PDE8B: variants seen among roughly 807,000 people sequenced by gnomAD.
PDE8B encodes phosphodiesterase 8B, also known as high affinity cAMP-specific and IBMX-insensitive 3',5'-cyclic phosphodiesterase 8B.
A neutral mutation model predicts 101.3 loss-of-function variants in PDE8B; 26 were observed. That is an observed-to-expected ratio of 0.26 (90% confidence interval 0.19 to 0.36). PDE8B has a LOEUF of 0.36. Ranked by LOEUF, PDE8B falls within the 10% of genes least tolerant of loss-of-function variation. The pLI is 1.00. For synonymous variants in PDE8B, 424 were observed against 429.3 expected (o/e 0.99, Z 0.15); for missense variants, 810 against 1,163.1 (o/e 0.70, Z 4.42).
In PDE8B at chr5:77,211,453, C is replaced by T. The variant is rs370564764; in HGVS notation, c.339+189C>T. Among the ~76,000 whole-genome samples, 16 of 152,140 alleles carry T rather than the reference C, an allele frequency of 1.1e-4. No individual in the cohort carries two copies. In the East Asian group the frequency reaches 3.1e-3, roughly 30 times the overall value. On this transcript the variant is annotated intron_variant, in intron 1 of 21. Coordinates refer to ENST00000264917, the MANE Select transcript of PDE8B (RefSeq NM_003719.5). The surrounding 1 kb of genome is among the most constrained non-coding windows in gnomAD (Gnocchi z 4.1). ...CCAGGAAATGTGGTCAGAAAAAGGC[C>T]CCTGGAGGGGTCCTGGAAGCGTCCT...
the PDE8B span, among the ~76,000 whole-genome samples, chr5:77,198,564 A>G: frequency 6.6e-6 from 1 of 152,112 alleles, no homozygotes. Context: ...GAGACATTGA[A>G]TTTGCCTCCA....
intron 1 of PDE8B, among the ~76,000 whole-genome samples, chr5:77,301,032 C>T (rs1270866408): frequency 6.6e-6 from 1 of 152,216 alleles, no homozygotes; most frequent in Admixed American, 6.5e-5. Flanking sequence ...ACCCCTGGGG[C>T]CATCTAATCT....
chr5:77,335,753 T>C (rs536509532), intron 5 of PDE8B, among the ~76,000 whole-genome samples: 3 of 152,316 alleles, frequency 2.0e-5, no homozygotes, highest in African/African-American at 7.2e-5. Context: ...ATCTTTCTAC[T>C]TAATAGTTTG....
chr5:77,252,297 C>T lies in PDE8B; in HGVS notation c.339+41033C>T, dbSNP rs544212453. ...TGGTGTCCCTGGCTTTTCCTTTAGCCTCCTTTTACCCTTGAATCTGTTAAA... is the reference window on the plus strand; with the variant it reads ...TGGTGTCCCTGGCTTTTCCTTTAGCTTCCTTTTACCCTTGAATCTGTTAAA... On this transcript the variant is annotated intron_variant, in intron 1 of 21. Coordinates refer to ENST00000264917, the MANE Select transcript of PDE8B (RefSeq NM_003719.5). 2.6e-5 allele frequency among the ~76,000 whole-genome samples: 4 copies of T among 152,352 alleles called. No homozygotes were observed. In the South Asian group the frequency reaches 8.3e-4, roughly 32 times the overall value.
chr5:77,284,854 T>A (rs1311255734), intron 1 of PDE8B, among the ~76,000 whole-genome samples: 2 of 152,234 alleles, frequency 1.3e-5, no homozygotes, highest in African/African-American at 4.8e-5. Flanking sequence ...TGTGATTACA[T>A]CACAATTCAA....
At chr5:77,151,468 GT>G in the PDE8B span, 1 of 152,364 alleles carries the variant, frequency 6.6e-6, no homozygotes, top group East Asian at 1.9e-4. Flanking sequence ...TGCATAAGCA[GT>G]GGTTGAATGT....
At chr5:77,181,440 T>A in the PDE8B span, among the ~76,000 whole-genome samples, 1 of 152,150 alleles carries the variant, frequency 6.6e-6, no homozygotes. Context: ...GCTGTGCTCC[T>A]AAGGACTGTT....
chr5:77,304,504 C>CT (rs899040922), intron 1 of PDE8B, among the ~76,000 whole-genome samples: 8 of 151,560 alleles, frequency 5.3e-5, no homozygotes, highest in Non-Finnish European at 7.4e-5. Flanking sequence ...GTGCTCTTTG[C>CT]TTTTTTTTGT....
intron 1 of PDE8B, among the ~76,000 whole-genome samples, chr5:77,278,154 G>A (rs572250695): frequency 1.3e-5 from 2 of 152,206 alleles, no homozygotes; most frequent in South Asian, 2.1e-4. Context: ...CCGAGTTCAC[G>A]TTCAAGTTTA....
chr5:77,094,428 G>T, the PDE8B span, among the ~76,000 whole-genome samples: 1 of 152,016 alleles, frequency 6.6e-6, no homozygotes, highest in Non-Finnish European at 1.5e-5. Context: ...TCCCACTTCA[G>T]CCTCCCAAGT....
At chr5:77,335,469 G>A (rs1777966135) in intron 5 of PDE8B, among the ~76,000 whole-genome samples, 1 of 152,098 alleles carries the variant, frequency 6.6e-6, no homozygotes, top group African/African-American at 2.4e-5. Flanking sequence ...GAGGCCCAGG[G>A]AAAGCCAGGG....
chr5:77,182,917 AT>A, the PDE8B span, among the ~76,000 whole-genome samples: 1 of 151,502 alleles, frequency 6.6e-6, no homozygotes, highest in Non-Finnish European at 1.5e-5. Context: ...CAGGATGACA[AT>A]TTTTTTTACT....
chr5:77,330,272 G>A (rs764806225), intron 4 of PDE8B, among the ~76,000 whole-genome samples: 1 of 152,078 alleles, frequency 6.6e-6, no homozygotes, highest in Non-Finnish European at 1.5e-5. Flanking sequence ...GCTATTACAC[G>A]GGTCCAAGAA....
chr5:77,274,189 T>C (rs1366538547), intron 1 of PDE8B, among the ~76,000 whole-genome samples: 1 of 152,128 alleles, frequency 6.6e-6, no homozygotes, highest in Non-Finnish European at 1.5e-5. Flanking sequence ...TGAATGCAAA[T>C]GTTTAGGTAC....
intron 10 of PDE8B, among the ~76,000 whole-genome samples, chr5:77,398,552 C>G (rs1328935069): frequency 1.3e-5 from 2 of 152,202 alleles, no homozygotes; most frequent in South Asian, 2.1e-4. Flanking sequence ...GAACTCCTGA[C>G]CTGAAGTGAT....
chr5:77,412,745 T>G (rs1485268625), intron 16 of PDE8B, among the ~76,000 whole-genome samples: 1 of 152,138 alleles, frequency 6.6e-6, no homozygotes, highest in Non-Finnish European at 1.5e-5. Context: ...CAAGCTGTTT[T>G]TTTTTGTCCT....
In PDE8B at chr5:77,211,080, C is replaced by A; in HGVS notation, c.155C>A (p.Ala52Asp). The change falls in exon 1 of 22, where the codon GCC becomes GAC. Residue 52 changes from alanine (A) to aspartate (D), a missense_variant. Coordinates refer to ENST00000264917, the MANE Select transcript of PDE8B (RefSeq NM_003719.5). This position sits in a 1 kb window ranked among gnomAD's most constrained non-coding sequence, Gnocchi z 4.1. ...TTCGTCCAGACCGACGCCGCCGACG[C>A]CATCCCCCCGAGCCGCGCGTCGGGA... is the stretch of plus-strand genomic sequence containing the variant. ...GLFVQTDAAD[A>D]IPPSRASGPP... is the part of the protein sequence containing the mutation. The A allele has an allele frequency of 6.7e-7, 1 of 1,501,016 alleles. No homozygotes were observed. The allele number at this position is 1,501,016 out of a possible 1,614,324, so 93.0% of individuals were successfully genotyped here.
chr5:77,355,914 C>T (rs750356976), intron 10 of PDE8B, among the ~76,000 whole-genome samples: 1 of 152,176 alleles, frequency 6.6e-6, no homozygotes, highest in Non-Finnish European at 1.5e-5. Flanking sequence ...CAAATATGGC[C>T]TGTTCTGTAA....
intron 10 of PDE8B, among the ~76,000 whole-genome samples, chr5:77,396,034 G>T (rs914891448): frequency 2.0e-5 from 3 of 152,180 alleles, no homozygotes; most frequent in African/African-American, 7.2e-5. Flanking sequence ...TAGTGAGCTG[G>T]GGATCGTGCA....
Sources: gnomAD v4.1 joint callset for allele counts (sites outside exome capture counted in the v4.1 genomes callset) on GRCh38, gnomAD v4.1.1 for gene constraint, Gnocchi (gnomAD v3.1) non-coding constraint, MANE v1.5 for transcripts, NCBI Gene and HGNC (gene_info 2026-07-23, HGNC 2026-07-21) for gene names.